PRLR: variants seen among roughly 807,000 people sequenced by gnomAD.
PRLR encodes the protein prolactin receptor, also known as hPRL receptor.
In PRLR, 13 loss-of-function variants were observed where a neutral mutation model predicts 40.2. The observed-to-expected ratio is 0.32, with a 90% CI of 0.21 to 0.51. The LOEUF (loss-of-function observed/expected upper bound fraction) is 0.51, where lower values mean the gene tolerates loss of function less well. Ranked by LOEUF, PRLR falls within the 20% of genes least tolerant of loss-of-function variation. The pLI is 0.97. For synonymous variants in PRLR, 269 were observed against 278.7 expected (o/e 0.97, Z 0.35); for missense variants, 656 against 747.3 (o/e 0.88, Z 1.42).
intron 1 of PRLR, among the ~76,000 whole-genome samples, chr5:35,173,094 G>C (rs1202718036): frequency 6.6e-6 from 1 of 152,084 alleles, no homozygotes; most frequent in East Asian, 1.9e-4. Flanking sequence ...AGCACATCTT[G>C]TTCCCACCCT....
intron 4 of PRLR, 55 bp downstream of exon 4, chr5:35,086,153 C>T: frequency 6.3e-7 from 1 of 1,598,412 alleles, no homozygotes; most frequent in Non-Finnish European, 8.5e-7. Flanking sequence ...TTTCTTTGGC[C>T]TGGAGAATGG....
chr5:35,194,826 T>C (rs889561532), intron 1 of PRLR, among the ~76,000 whole-genome samples: 6 of 152,180 alleles, frequency 3.9e-5, no homozygotes, highest in African/African-American at 1.4e-4. Context: ...ACTGTAATGA[T>C]AGATACAGGT....
intron 1 of PRLR, among the ~76,000 whole-genome samples, chr5:35,168,743 T>C (rs766797262): frequency 1.3e-4 from 20 of 152,156 alleles, no homozygotes; most frequent in Non-Finnish European, 2.2e-4. Flanking sequence ...AAGAATTAAA[T>C]AGCCCTGGGA....
At chr5:35,082,881 A>G (rs1397928414) in intron 5 of PRLR, among the ~76,000 whole-genome samples, 1 of 152,062 alleles carries the variant, frequency 6.6e-6, no homozygotes, top group Non-Finnish European at 1.5e-5. Flanking sequence ...TTCACCAGAG[A>G]ATTTGTTTTC....
chr5:35,143,650 T>A (rs925232353), intron 1 of PRLR, among the ~76,000 whole-genome samples: 3 of 152,212 alleles, frequency 2.0e-5, no homozygotes, highest in African/African-American at 7.2e-5. Flanking sequence ...CTTATAACAA[T>A]GACTGATTGA....
Position 35,065,543 on chromosome 5 carries a change from T to G in PRLR, c.1415A>C (p.Lys472Thr), listed in dbSNP as rs750418127. 6.2e-7 allele frequency: 1 copy of G among 1,614,126 alleles called. No homozygotes were observed. The highest frequency in any genetic ancestry group is 2.2e-5 in the East Asian group (1 of 44,866). ...TTCTACCTCCCTCTGCTGGGTTGCCTTTCCCTCTTCTCTAGACTTAATGGT... is the reference window on the plus strand; with the variant it reads ...TTCTACCTCCCTCTGCTGGGTTGCCGTTCCCTCTTCTCTAGACTTAATGGT... Reference protein sequence around the residue: ...SQTIKSREEGKATQQREVESF... With the variant: ...SQTIKSREEGTATQQREVESF... The change falls in exon 10 of 10, where the codon AAG becomes ACG. Residue 472 changes from lysine to threonine, a missense_variant. Physicochemically the swap from Lys to Thr is moderately conservative, Grantham distance 78. Transcript: ENST00000618457.
chr5:35,176,804 T>C (rs1319432034), intron 1 of PRLR, among the ~76,000 whole-genome samples: 1 of 152,150 alleles, frequency 6.6e-6, no homozygotes, highest in East Asian at 1.9e-4. Flanking sequence ...CCGACACCCG[T>C]AAAGGGTCTG....
intron 1 of PRLR, among the ~76,000 whole-genome samples, chr5:35,118,746 A>G (rs6451180): frequency 0.25 from 38,503 of 151,386 alleles, 9,412 homozygotes; most frequent in African/African-American, 0.64. Context: ...GGGACTGACT[A>G]GCCTGAGTCT....
At chr5:35,157,568 T>A (rs1025932584) in intron 1 of PRLR, among the ~76,000 whole-genome samples, 1 of 152,214 alleles carries the variant, frequency 6.6e-6, no homozygotes, top group African/African-American at 2.4e-5. Context: ...GGTTATGGCA[T>A]GTCCACACTG....
At chr5:35,174,380 A>G (rs1370221166) in intron 1 of PRLR, among the ~76,000 whole-genome samples, 1 of 152,096 alleles carries the variant, frequency 6.6e-6, no homozygotes, top group Non-Finnish European at 1.5e-5. Context: ...GTGAGCCACC[A>G]TGTCTGGACA....
At chr5:35,053,896 C>G (rs756640972), downstream of PRLR, among the ~76,000 whole-genome samples, 33 of 152,094 alleles carry the variant, frequency 2.2e-4, no homozygotes, top group Middle Eastern at 3.4e-3. Context: ...TACCAGATAA[C>G]AAGACTTTGT....
intron 1 of PRLR, among the ~76,000 whole-genome samples, chr5:35,208,946 A>C (rs1274214905): frequency 1.3e-5 from 2 of 152,146 alleles, no homozygotes; most frequent in African/African-American, 4.8e-5. Context: ...AATTAGCAAA[A>C]TCAGTACATC....
chr5:35,089,995 A>G (rs1313219734), intron 2 of PRLR, among the ~76,000 whole-genome samples: 1 of 152,220 alleles, frequency 6.6e-6, no homozygotes, highest in Admixed American at 6.5e-5. Flanking sequence ...TATATCATCC[A>G]TCTTATGTAA....
chr5:35,166,659 G>A (rs1462997131), intron 1 of PRLR, among the ~76,000 whole-genome samples: 1 of 152,042 alleles, frequency 6.6e-6, no homozygotes, highest in Non-Finnish European at 1.5e-5. Flanking sequence ...AGGAGAAGAA[G>A]CTCTGATACT....
intron 1 of PRLR, among the ~76,000 whole-genome samples, chr5:35,119,789 A>C (rs1459306142): frequency 1.3e-5 from 2 of 152,196 alleles, no homozygotes; most frequent in Admixed American, 1.3e-4. Context: ...CTCTTGGCAG[A>C]AACACTGAGG....
intron 4 of PRLR, among the ~76,000 whole-genome samples, chr5:35,085,592 T>C (rs543714568): frequency 6.6e-6 from 1 of 152,308 alleles, no homozygotes; most frequent in African/African-American, 2.4e-5. Flanking sequence ...TTCTTTTCCC[T>C]ACAAGGTTCT....
chr5:35,184,557 A>G (rs1486248812), intron 1 of PRLR, among the ~76,000 whole-genome samples: 1 of 152,110 alleles, frequency 6.6e-6, no homozygotes, highest in African/African-American at 2.4e-5. Context: ...CAAAATAATA[A>G]CAACCAACCA....
intron 1 of PRLR, among the ~76,000 whole-genome samples, chr5:35,147,867 G>C (rs1774224710): frequency 6.6e-6 from 1 of 152,120 alleles, no homozygotes; most frequent in Non-Finnish European, 1.5e-5. Flanking sequence ...CAATCAAATG[G>C]AGAACAAGAT....
intron 1 of PRLR, among the ~76,000 whole-genome samples, chr5:35,216,359 G>T (rs1776288556): frequency 6.6e-6 from 1 of 152,068 alleles, no homozygotes; most frequent in South Asian, 2.1e-4. Context: ...GGAGGAGGAA[G>T]GGGTCTGACA....
Sources: allele counts gnomAD v4.1 joint callset (sites outside exome capture counted in the v4.1 genomes callset), GRCh38; gene constraint gnomAD v4.1.1; transcripts MANE v1.5; gene names NCBI Gene and HGNC (gene_info 2026-07-23, HGNC 2026-07-21).